Variants in DCDC2C observed in about 807,000 individuals in gnomAD.
DCDC2C encodes the protein doublecortin domain containing 2C.
DCDC2C carries 44 observed loss-of-function variants against 45.0 expected under a neutral mutation model. That is an observed-to-expected ratio of 0.98 (90% CI 0.77 to 1.26). The LOEUF is 1.26. DCDC2C is among the 50% of genes most tolerant of loss of function. The pLI, the probability that DCDC2C is intolerant of heterozygous loss-of-function variation, is 0.00. For missense variants in DCDC2C, 447 were observed against 468.9 expected, an observed-to-expected ratio of 0.95 and a Z score of 0.43; for synonymous variants, 187 against 178.8, an observed-to-expected ratio of 1.05 and a Z score of -0.37.
At chr2:3,793,214 A>G (rs1237374770) in intron 10 of DCDC2C, among the ~76,000 whole-genome samples, 1 of 152,196 alleles carries the variant, frequency 6.6e-6, no homozygotes, top group Non-Finnish European at 1.5e-5. Flanking sequence ...AGTATACCCA[A>G]ACGCAAATTT....
At chr2:3,712,381 G>A (rs1305263477) in intron 2 of DCDC2C, among the ~76,000 whole-genome samples, 1 of 151,548 alleles carries the variant, frequency 6.6e-6, no homozygotes, top group Admixed American at 6.6e-5. Context: ...TAAAAGACTT[G>A]TTGGCCAGGT....
intron 8 of DCDC2C, among the ~76,000 whole-genome samples, chr2:3,773,387 C>T (rs1670238780): frequency 2.0e-5 from 3 of 152,182 alleles, no homozygotes. Flanking sequence ...CCCTCCCCCA[C>T]CATCTCCATC....
chr2:3,725,155 T>C (rs1410163978), intron 2 of DCDC2C, among the ~76,000 whole-genome samples: 1 of 151,990 alleles, frequency 6.6e-6, no homozygotes. Flanking sequence ...GGGTGTGAAG[T>C]AGGCAGTAGG....
intron 10 of DCDC2C, among the ~76,000 whole-genome samples, chr2:3,791,912 G>A (rs1480767833): frequency 1.3e-5 from 2 of 152,250 alleles, no homozygotes; most frequent in African/African-American, 2.4e-5. Flanking sequence ...CAGTGAAAAG[G>A]AAAGGAGATG....
chr2:3,830,275 T>G (rs1231830601), intron 10 of DCDC2C, among the ~76,000 whole-genome samples: 1 of 152,128 alleles, frequency 6.6e-6, no homozygotes, highest in African/African-American at 2.4e-5. Context: ...CTTGTGATCC[T>G]GGAAATAACG....
At chr2:3,796,950 G>A (rs2148196659) in intron 10 of DCDC2C, among the ~76,000 whole-genome samples, 1 of 152,304 alleles carries the variant, frequency 6.6e-6, no homozygotes, top group Non-Finnish European at 1.5e-5. Context: ...AATGGTACCA[G>A]TTCCTCCTTG....
intron 10 of DCDC2C, among the ~76,000 whole-genome samples, chr2:3,815,384 G>A (rs1369553656): frequency 5.9e-5 from 9 of 152,220 alleles, no homozygotes; most frequent in Admixed American, 5.9e-4. Context: ...TCTGATGAGA[G>A]AACCTGGATA....
intron 10 of DCDC2C, among the ~76,000 whole-genome samples, chr2:3,831,137 C>T (rs533105394): frequency 3.3e-5 from 5 of 151,938 alleles, no homozygotes; most frequent in South Asian, 2.1e-4. Flanking sequence ...TCCTGGCAGC[C>T]GTAAAAACTT....
At chr2:3,811,540 C>T (rs556657160) in intron 10 of DCDC2C, among the ~76,000 whole-genome samples, 1 of 152,316 alleles carries the variant, frequency 6.6e-6, no homozygotes, top group African/African-American at 2.4e-5. Flanking sequence ...CACAATTTGA[C>T]TTCCTCTTTT....
intron 10 of DCDC2C, among the ~76,000 whole-genome samples, chr2:3,806,053 C>T (rs1671236103): frequency 6.6e-6 from 1 of 151,992 alleles, no homozygotes; most frequent in Non-Finnish European, 1.5e-5. Context: ...CCAGGCTGGT[C>T]TTGACCTCCT....
chr2:3,703,816 G>T lies in DCDC2C; in HGVS notation c.65G>T (p.Arg22Leu), dbSNP rs1243778876. The change falls in exon 1 of 11, where the codon CGC (arginine) becomes CTC (leucine). Residue 22 changes from arginine to leucine, a missense_variant. By Grantham distance (102) the Arg-to-Leu change is moderately radical. Coordinates refer to ENST00000399143, the MANE Select transcript of DCDC2C (RefSeq NM_001287444.2). The surrounding 1 kb of genome is among the most constrained non-coding windows in gnomAD (Gnocchi z 4.4). The part of the protein sequence containing the change: ...TTPAKTIVVY[R>L]NGDPFYVGKK... ...CCCGCCAAGACCATCGTGGTGTACC[G>T]CAACGGGGACCCGTTCTACGTGGGC... 2 of 1,261,680 alleles carry T rather than the reference G, an allele frequency of 1.6e-6. No individual in the cohort carries two copies. Among genetic ancestry groups the T allele is most frequent in the Non-Finnish European group, 1.0e-6 (1 of 999,600 alleles). The allele number at this position is 1,261,680 out of a possible 1,614,324, so 78.2% of individuals were successfully genotyped here.
At chr2:3,725,899 G>C (rs72493326) in intron 2 of DCDC2C, 1 of 150,636 alleles carries the variant, frequency 6.6e-6, no homozygotes, top group South Asian at 1.8e-4. Flanking sequence ...AGAGAGTGAC[G>C]AGGCTGCTGG....
chr2:3,831,435 G>A (rs1025387684), intron 10 of DCDC2C, among the ~76,000 whole-genome samples: 8 of 152,172 alleles, frequency 5.3e-5, no homozygotes, highest in East Asian at 1.9e-4. Context: ...GTAAATGACC[G>A]TACTGAATAA....
intron 8 of DCDC2C, among the ~76,000 whole-genome samples, chr2:3,771,419 G>A (rs894130347): frequency 1.3e-5 from 2 of 152,232 alleles, no homozygotes; most frequent in Admixed American, 6.5e-5. Context: ...CCCAAACCGC[G>A]TTCTGCATCT....
At chr2:3,739,409 C>A (rs933464660) in intron 3 of DCDC2C, among the ~76,000 whole-genome samples, 1 of 152,216 alleles carries the variant, frequency 6.6e-6, no homozygotes, top group Non-Finnish European at 1.5e-5. Context: ...GCCACGCCCC[C>A]ATCCTGTGCC....
chr2:3,753,569 A>G (rs191063555), intron 5 of DCDC2C, among the ~76,000 whole-genome samples: 1 of 152,290 alleles, frequency 6.6e-6, no homozygotes, highest in African/African-American at 2.4e-5. Context: ...TCAAGTTTTC[A>G]ATGATCATTA....
chr2:3,809,662 C>A (rs1004649737), intron 10 of DCDC2C, among the ~76,000 whole-genome samples: 4 of 152,050 alleles, frequency 2.6e-5, no homozygotes, highest in African/African-American at 9.7e-5. Context: ...ATGTGCAGAA[C>A]ATGCAGGTTT....
chr2:3,797,001 G>A (rs1303089897), intron 10 of DCDC2C, among the ~76,000 whole-genome samples: 1 of 152,266 alleles, frequency 6.6e-6, no homozygotes, highest in South Asian at 2.1e-4. Flanking sequence ...TCTGGTCCTG[G>A]ACTCTTTTTG....
intron 8 of DCDC2C, among the ~76,000 whole-genome samples, chr2:3,774,770 A>ATT (rs5828891): frequency 6.8e-5 from 10 of 146,638 alleles, no homozygotes; most frequent in East Asian, 2.0e-4. Context: ...TGAATTTTTG[A>ATT]TTTTTTTTTT....
Sources: gnomAD v4.1 joint callset for allele counts (sites outside exome capture counted in the v4.1 genomes callset) on GRCh38, gnomAD v4.1.1 for gene constraint, Gnocchi (gnomAD v3.1) non-coding constraint, MANE v1.5 for transcripts, NCBI Gene and HGNC (gene_info 2026-07-23, HGNC 2026-07-21) for gene names.